CHKA: variants seen among roughly 807,000 people sequenced by gnomAD.
CHKA encodes choline kinase alpha.
CHKA carries 34 observed loss-of-function variants against 60.1 expected under a neutral mutation model. The ratio of observed to expected loss-of-function variants is 0.57; its 90% CI spans 0.43 to 0.75. CHKA has a LOEUF of 0.75. Among genes scored for constraint, CHKA ranks in the 30% least tolerant of loss-of-function variants. The pLI, the probability that CHKA is intolerant of heterozygous loss-of-function variation, is 0.00. For synonymous variants in CHKA, 217 were observed against 223.1 expected (o/e 0.97, Z 0.24); for missense variants, 563 against 561.3 (o/e 1.00, Z -0.03).
chr11:68,114,713 A>C (rs922053674), intron 1 of CHKA, among the ~76,000 whole-genome samples: 1 of 151,270 alleles, frequency 6.6e-6, no homozygotes, highest in South Asian at 2.1e-4. Flanking sequence ...AAAAAAAAAA[A>C]GAAGAAGAAA....
chr11:68,083,930 G>A (rs1244577867), intron 2 of CHKA, among the ~76,000 whole-genome samples: 1 of 151,886 alleles, frequency 6.6e-6, no homozygotes, highest in South Asian at 2.1e-4. Context: ...TAACTTTTTC[G>A]TCCAGGAAGA....
At position 68,121,363 on chromosome 11, in the gene CHKA, C is replaced by T. The variant is rs1858651572; in HGVS notation, c.-186G>A. On this transcript the variant is annotated 5_prime_UTR_variant, in exon 1 of 12. Coordinates refer to ENST00000265689, the MANE Select transcript of CHKA (RefSeq NM_001277.3). ...GCGGCGACTGTGGAGCGGGGATGTG[C>T]TGCTGGCCGCTGCACTCGCTCCTCT... 5.2e-6 allele frequency: 1 copy of T among 193,384 alleles called. No homozygotes were observed. Among genetic ancestry groups the T allele is most frequent in the Non-Finnish European group, 9.4e-6 (1 of 106,802 alleles). The allele number at this position is 193,384 out of a possible 1,614,324, so 12.0% of individuals were successfully genotyped here.
At chr11:68,119,020 T>A (rs571363574) in intron 1 of CHKA, among the ~76,000 whole-genome samples, 20 of 152,310 alleles carry the variant, frequency 1.3e-4, no homozygotes, top group Non-Finnish European at 2.4e-4. Context: ...CTCAGGCAAG[T>A]CACTTCTCCT....
At chr11:68,062,807 G>C (rs1177106148) in intron 10 of CHKA, among the ~76,000 whole-genome samples, 1 of 152,186 alleles carries the variant, frequency 6.6e-6, no homozygotes, top group East Asian at 1.9e-4. Context: ...GAAACAGAAA[G>C]AGATGATGTA....
At chr11:68,111,740 C>G (rs1311051224) in intron 1 of CHKA, among the ~76,000 whole-genome samples, 3 of 151,904 alleles carry the variant, frequency 2.0e-5, no homozygotes, top group Non-Finnish European at 4.4e-5. Context: ...TACAACAAAC[C>G]ATTTGTTGTT....
rs1555016562 is a variant in CHKA at position 68,120,984 on chromosome 11, A to AGCGGCAGCGGCG, written c.182_193dup (p.Pro61_Pro64dup). On this transcript the variant is annotated inframe_insertion, in exon 1 of 12. Coordinates refer to ENST00000265689, the MANE Select transcript of CHKA (RefSeq NM_001277.3). Reference sequence around the variant, plus strand: ...CGGGGGCTGGGGCAGCGGCAGCGGCAGCGGCAGCGGCGGCGGAGGGGGCAG... The same window carrying AGCGGCAGCGGCG: ...CGGGGGCTGGGGCAGCGGCAGCGGCAGCGGCAGCGGCGGCGGCAGCGGCGGCGGAGGGGGCAG... 571 of 1,115,154 alleles carry AGCGGCAGCGGCG rather than the reference A, an allele frequency of 5.1e-4. No individual in the cohort carries two copies. The highest frequency in any genetic ancestry group is 6.1e-4 in the Non-Finnish European group (559 of 912,850). 69.1% of individuals were successfully genotyped at this position (1,115,154 alleles called of 1,614,324 possible).
rs145796800 is a variant in CHKA at position 68,085,258 on chromosome 11, C to G, written c.463-3801G>C. On this transcript the variant is annotated intron_variant, in intron 2 of 11. Coordinates refer to ENST00000265689, the MANE Select transcript of CHKA (RefSeq NM_001277.3). ...AAAAATTTGGAGACTGGGTCTCGCT[C>G]TGTCTCTCAGGTTGGAGTGCAGTGG... Among the ~76,000 whole-genome samples the G allele has an allele frequency of 4.6e-5, 7 of 152,292 alleles. No individual in the cohort carries two copies. In the East Asian group the frequency reaches 1.3e-3, roughly 29 times the overall value.
chr11:68,058,368 G>A (rs1856103641), intron 11 of CHKA, among the ~76,000 whole-genome samples: 1 of 152,196 alleles, frequency 6.6e-6, no homozygotes, highest in Admixed American at 6.5e-5. Context: ...ACAGAAGCCT[G>A]TGGGGGTTTT....
Position 68,104,702 on chromosome 11 carries a change from G to A in CHKA, c.351-7572C>T, listed in dbSNP as rs575970444. 4.6e-5 allele frequency among the ~76,000 whole-genome samples: 7 copies of A among 152,070 alleles called. No homozygotes were observed. In the South Asian group the frequency reaches 1.0e-3, roughly 23 times the overall value. On this transcript the variant is annotated intron_variant, in intron 1 of 11. Transcript: ENST00000265689. ...CTCCCAAATTGCTGGGATAACAGGCGTGAGCCACCGCACCCGACCAATATG... is the reference window on the plus strand; with the variant it reads ...CTCCCAAATTGCTGGGATAACAGGCATGAGCCACCGCACCCGACCAATATG...
intron 1 of CHKA, among the ~76,000 whole-genome samples, chr11:68,116,692 G>A (rs1369677960): frequency 6.6e-6 from 1 of 151,602 alleles, no homozygotes; most frequent in Non-Finnish European, 1.5e-5. Context: ...GCTCCCGCCT[G>A]GGCAACAGAG....
At chr11:68,106,821 C>A (rs1222101831) in intron 1 of CHKA, among the ~76,000 whole-genome samples, 1 of 152,156 alleles carries the variant, frequency 6.6e-6, no homozygotes, top group Non-Finnish European at 1.5e-5. Flanking sequence ...CACGGCTCAG[C>A]CTTGACGCTT....
chr11:68,061,788 G>A (rs548130322), intron 11 of CHKA, 165 bp downstream of exon 11: 8 of 668,510 alleles, frequency 1.2e-5, no homozygotes, highest in Non-Finnish European at 1.9e-5. Context: ...TTCCTGGGCT[G>A]AGCCACACTG....
chr11:68,061,837 G>A, intron 11 of CHKA, 116 bp downstream of exon 11: 1 of 780,642 alleles, frequency 1.3e-6, no homozygotes, highest in African/African-American at 1.7e-5. Context: ...GGTACTTGGG[G>A]AGACAGAGAA....
chr11:68,084,237 A>C (rs1222773432), intron 2 of CHKA, among the ~76,000 whole-genome samples: 1 of 148,318 alleles, frequency 6.7e-6, no homozygotes, highest in Non-Finnish European at 1.5e-5. Context: ...ACAAGAGCAA[A>C]ACTCTGACTC....
In CHKA at chr11:68,053,440, C is replaced by A. The variant is rs896997425; in HGVS notation, c.*548G>T. 9.1e-5 allele frequency: 14 copies of A among 153,062 alleles called. No homozygotes were observed. The highest frequency in any genetic ancestry group is 3.4e-4 in the African/African-American group (14 of 41,428). 9.5% of individuals were successfully genotyped at this position (153,062 alleles called of 1,614,324 possible). On this transcript the variant is annotated 3_prime_UTR_variant, in exon 12 of 12. Transcript: ENST00000265689. ...CGCTGCTCCAGCTTCAGCCATGGGA[C>A]CAAGAGGGTAAAGGAGCAGCTTCTG...
chr11:68,071,024 G>A (rs1229921376), intron 4 of CHKA, among the ~76,000 whole-genome samples, 167 bp from the exon 5 acceptor site: 3 of 152,170 alleles, frequency 2.0e-5, no homozygotes, highest in Non-Finnish European at 2.9e-5. Context: ...CAGTGACCCA[G>A]CAATTGCTAT....
At chr11:68,119,947 G>T (rs545576615) in intron 1 of CHKA, among the ~76,000 whole-genome samples, 3 of 152,240 alleles carry the variant, frequency 2.0e-5, no homozygotes, top group African/African-American at 7.2e-5. Context: ...AGGAAAAAAT[G>T]GCCGAGCGCG....
intron 2 of CHKA, among the ~76,000 whole-genome samples, chr11:68,087,306 C>A (rs918391234): frequency 2.0e-5 from 3 of 151,938 alleles, no homozygotes; most frequent in African/African-American, 7.3e-5. Flanking sequence ...ATGGTGAAAC[C>A]CAATCTCTAC....
At chr11:68,118,666 A>G (rs1344726359) in intron 1 of CHKA, among the ~76,000 whole-genome samples, 1 of 152,162 alleles carries the variant, frequency 6.6e-6, no homozygotes, top group African/African-American at 2.4e-5. Context: ...AACTTATTCC[A>G]TAACTACGTT....
Sources: allele counts gnomAD v4.1 joint callset (sites outside exome capture counted in the v4.1 genomes callset), GRCh38; gene constraint gnomAD v4.1.1; transcripts MANE v1.5; gene names NCBI Gene and HGNC (gene_info 2026-07-23, HGNC 2026-07-21).